The following ZFX variants were observed in gnomAD, a reference collection of about 807,000 sequenced individuals.
The protein encoded by ZFX is zinc finger X-chromosomal protein.
For synonymous variants in ZFX, 196 were observed against 226.8 expected, an observed-to-expected ratio of 0.86 and a Z score of 1.22; for missense variants, 362 against 628.3, an observed-to-expected ratio of 0.58 and a Z score of 4.53.
chrX:24,177,197 G>T (rs1360180398), intron 4 of ZFX, among the ~76,000 whole-genome samples: 1 of 112,395 alleles, frequency 8.9e-6, no homozygotes, highest in Non-Finnish European at 1.9e-5. Flanking sequence ...CTCCCAAAGT[G>T]CTGGGATTAC....
At chrX:24,206,190 A>G (rs1937569855) in intron 5 of ZFX, among the ~76,000 whole-genome samples, 1 of 112,326 alleles carries the variant, frequency 8.9e-6, no homozygotes, top group Admixed American at 9.5e-5. Flanking sequence ...TCCATTGACC[A>G]ATCTCATTGT....
chrX:24,197,989 A>G (rs1025856192), intron 5 of ZFX, among the ~76,000 whole-genome samples: 3 of 111,735 alleles, frequency 2.7e-5, no homozygotes, highest in Non-Finnish European at 5.6e-5. Context: ...GAAAGGATCA[A>G]TCAATAGAAA....
At chrX:24,151,945 C>G (rs1932207338) in intron 2 of ZFX, 145 bp downstream of exon 2, 1 of 111,918 alleles carries the variant, frequency 8.9e-6, no homozygotes, top group Non-Finnish European at 1.9e-5. Context: ...AACGATGCGT[C>G]TCTATTAAGA....
At chrX:24,153,153 A>T (rs1461522779) in intron 3 of ZFX, among the ~76,000 whole-genome samples, 1 of 111,822 alleles carries the variant, frequency 8.9e-6, no homozygotes, top group Non-Finnish European at 1.9e-5. Flanking sequence ...TCTTTGTATT[A>T]TTTGTTCTTG....
At chrX:24,195,903 A>G (rs767656972) in intron 5 of ZFX, among the ~76,000 whole-genome samples, 1 of 112,415 alleles carries the variant, frequency 8.9e-6, no homozygotes, top group Admixed American at 9.4e-5. Context: ...GTGACTTTTC[A>G]TGATAAGTGT....
At chrX:24,154,518 G>A (rs191424427) in intron 3 of ZFX, among the ~76,000 whole-genome samples, 46 of 111,709 alleles carry the variant, frequency 4.1e-4, no homozygotes, top group Non-Finnish European at 7.2e-4. Flanking sequence ...GGGATTCCTG[G>A]GGATCCCTAA....
Position 24,213,884 on chromosome X carries a change from A to G in ZFX, c.*2508A>G, listed in dbSNP as rs1938286857. ...ATCCTATAAAATTAATACAGAAAAT[A>G]TAAATGATTGGGTCATTTAACTATA... On this transcript the variant is annotated 3_prime_UTR_variant, in exon 10 of 10. Coordinates refer to ENST00000304543, the MANE Select transcript of ZFX (RefSeq NM_003410.4). The G allele has an allele frequency of 9.0e-6, 1 of 110,943 alleles. No homozygotes were observed. The highest frequency in any genetic ancestry group is 1.9e-5 in the Non-Finnish European group (1 of 52,978). The allele number at this position is 110,943 out of a possible 1,213,427, so 9.1% of individuals were successfully genotyped here. A position where few individuals can be genotyped will look rare whatever the true frequency, so the allele number is the denominator to read the frequency against.
chrX:24,210,850 A>G lies in ZFX; in HGVS notation c.1892A>G (p.Lys631Arg). The G allele has an allele frequency of 8.3e-7, 1 of 1,211,911 alleles. No individual in the cohort carries two copies. The highest frequency in any genetic ancestry group is 1.8e-5 in the South Asian group (1 of 56,931). Residue 631 changes from lysine (K) to arginine (R), a missense_variant, in exon 10 of 10, where the codon AAA becomes AGA. Physicochemically the swap from Lys to Arg is conservative, Grantham distance 26. Coordinates refer to ENST00000304543, the MANE Select transcript of ZFX (RefSeq NM_003410.4). ...CATGCTCTTATCCACCAAGAAAGCA[A>G]AACACACCAGTGTTTGCATTGCGAC... is the stretch of plus-strand genomic sequence containing the variant. ...QQHALIHQESKTHQCLHCDHK... is the reference protein window; with the variant it reads ...QQHALIHQESRTHQCLHCDHK...
At position 24,166,296 on chromosome X, in the gene ZFX, G is replaced by A. The variant is rs928245408; in HGVS notation, c.-28-6419G>A. ...CCTTGAAATTACTGATTGGCTCAGC[G>A]TGGTTTTATGGAAAAACTAATACAA... On this transcript the variant is annotated intron_variant, in intron 3 of 9. Transcript: ENST00000304543. Among the ~76,000 whole-genome samples the A allele has an allele frequency of 5.4e-5, 6 of 112,069 alleles. No homozygotes were observed. In the East Asian group the frequency reaches 1.4e-3, roughly 26 times the overall value.
chrX:24,205,930 T>A (rs1937555999), intron 5 of ZFX, among the ~76,000 whole-genome samples: 1 of 111,648 alleles, frequency 9.0e-6, no homozygotes, highest in Admixed American at 9.5e-5. Flanking sequence ...CTATTGGAAA[T>A]CATATGTACC....
chrX:24,153,652 C>T (rs1051297720), intron 3 of ZFX, among the ~76,000 whole-genome samples: 18 of 111,757 alleles, frequency 1.6e-4, no homozygotes, highest in Non-Finnish European at 5.6e-5. Context: ...TTCAGAAACT[C>T]TCTGTGCCTT....
At chrX:24,175,129 C>T (rs1025766501) in intron 4 of ZFX, among the ~76,000 whole-genome samples, 1 of 112,344 alleles carries the variant, frequency 8.9e-6, no homozygotes, top group African/African-American at 3.2e-5. Context: ...GTTTATAATT[C>T]TTTCTTCCTT....
At chrX:24,160,393 G>A (rs1933163411) in intron 3 of ZFX, among the ~76,000 whole-genome samples, 1 of 106,950 alleles carries the variant, frequency 9.4e-6, no homozygotes, top group South Asian at 4.2e-4. Context: ...TTGCCTCCCG[G>A]GTTCAAGCGA....
At chrX:24,151,421 T>C (rs1385733244) in intron 1 of ZFX, 1 of 111,734 alleles carries the variant, frequency 8.9e-6, no homozygotes, top group African/African-American at 3.3e-5. Context: ...GGTAGGACTT[T>C]GTTAGGTAGA....
intron 5 of ZFX, among the ~76,000 whole-genome samples, chrX:24,192,837 G>A (rs1302006833): frequency 1.8e-5 from 2 of 108,148 alleles, no homozygotes; most frequent in Non-Finnish European, 1.9e-5. Flanking sequence ...CAGGGCCACA[G>A]TGAGCCATGA....
At chrX:24,186,995 A>C (rs2464544) in intron 5 of ZFX, among the ~76,000 whole-genome samples, 51,089 of 110,739 alleles carry the variant, frequency 0.46, 8,518 homozygotes, top group South Asian at 0.79. Context: ...ATTAACGATA[A>C]ATTTCTTCCC....
At chrX:24,161,361 T>C (rs1176743497) in intron 3 of ZFX, among the ~76,000 whole-genome samples, 1 of 112,523 alleles carries the variant, frequency 8.9e-6, no homozygotes, top group Admixed American at 9.4e-5. Context: ...CTGTTGCTGC[T>C]GCCACTGCTG....
chrX:24,167,319 T>C (rs762529570), intron 3 of ZFX, among the ~76,000 whole-genome samples: 2 of 111,469 alleles, frequency 1.8e-5, no homozygotes, highest in Non-Finnish European at 3.8e-5. Flanking sequence ...AATTTAAGTT[T>C]ATTGTTGGGC....
At chrX:24,155,039 C>G (rs1205808356) in intron 3 of ZFX, among the ~76,000 whole-genome samples, 1 of 110,333 alleles carries the variant, frequency 9.1e-6, no homozygotes, top group East Asian at 2.8e-4. Context: ...GGCTTAAATA[C>G]CTGGGTGATG....
Sources: allele counts gnomAD v4.1 joint callset (sites outside exome capture counted in the v4.1 genomes callset), GRCh38; gene constraint gnomAD v4.1.1; transcripts MANE v1.5; gene names NCBI Gene and HGNC (gene_info 2026-07-23, HGNC 2026-07-21).